ESRRG: variants seen among roughly 807,000 people sequenced by gnomAD.
The protein encoded by ESRRG is estrogen related receptor gamma.
A neutral mutation model predicts 44.0 loss-of-function variants in ESRRG; 13 were observed. That is an observed-to-expected ratio of 0.30 (90% CI 0.19 to 0.47). The LOEUF (loss-of-function observed/expected upper bound fraction) is 0.47. ESRRG is among the 20% of genes least tolerant of loss of function. The probability of loss-of-function intolerance (pLI) is 1.00; values close to 1 mark genes in which losing one functional copy is unlikely to be tolerated. For synonymous variants in ESRRG, 215 were observed against 214.6 expected, an observed-to-expected ratio of 1.00 and a Z score of -0.02; for missense variants, 395 against 580.6, an observed-to-expected ratio of 0.68 and a Z score of 3.29.
At chr1:217,134,256 G>A (rs962946909) in intron 1 of ESRRG, among the ~76,000 whole-genome samples, 1 of 152,126 alleles carries the variant, frequency 6.6e-6, no homozygotes, top group Non-Finnish European at 1.5e-5. Context: ...AAATGGCACC[G>A]ACACAGACTG....
At chr1:216,550,654 G>C (rs765565479) in intron 5 of ESRRG, among the ~76,000 whole-genome samples, 1 of 152,022 alleles carries the variant, frequency 6.6e-6, no homozygotes, top group Non-Finnish European at 1.5e-5. Flanking sequence ...AAAAGTCAAC[G>C]GCAGGAGATG....
chr1:216,907,203 T>A (rs1306850463), intron 2 of ESRRG, among the ~76,000 whole-genome samples: 1 of 152,068 alleles, frequency 6.6e-6, no homozygotes, highest in African/African-American at 2.4e-5. Flanking sequence ...AAATACAGCA[T>A]CTCTGCACCT....
At chr1:216,523,064 G>T (rs1366304082) in intron 5 of ESRRG, among the ~76,000 whole-genome samples, 2 of 152,116 alleles carry the variant, frequency 1.3e-5, no homozygotes, top group African/African-American at 4.8e-5. Flanking sequence ...AATCTTTGGT[G>T]TGTGACAGGT....
At chr1:216,990,098 A>G (rs2075453066) in intron 1 of ESRRG, among the ~76,000 whole-genome samples, 1 of 152,200 alleles carries the variant, frequency 6.6e-6, no homozygotes, top group South Asian at 2.1e-4. Context: ...GAACTCACAA[A>G]GGAATGTCAC....
chr1:216,651,681 G>T (rs904207860), intron 2 of ESRRG, among the ~76,000 whole-genome samples: 5 of 152,040 alleles, frequency 3.3e-5, no homozygotes, highest in Non-Finnish European at 7.4e-5. Flanking sequence ...ACTGATCATG[G>T]TGATGATAAT....
intron 5 of ESRRG, among the ~76,000 whole-genome samples, chr1:216,529,531 A>G (rs2048660891): frequency 6.6e-6 from 1 of 152,184 alleles, no homozygotes. Context: ...GGGCTTCAAA[A>G]AGAGATAGGC....
intron 1 of ESRRG, among the ~76,000 whole-genome samples, chr1:217,086,991 C>CGTT (rs2092119727): frequency 1.3e-5 from 2 of 152,068 alleles, no homozygotes; most frequent in Non-Finnish European, 2.9e-5. Context: ...TCATAAATAA[C>CGTT]CCCCTTTCCA....
At chr1:216,796,994 C>G (rs1005623161) in intron 2 of ESRRG, among the ~76,000 whole-genome samples, 2 of 152,030 alleles carry the variant, frequency 1.3e-5, no homozygotes, top group Non-Finnish European at 2.9e-5. Context: ...CAGGTTCAAG[C>G]GATTCTCCTC....
chr1:217,059,890 G>A (rs574070953), intron 1 of ESRRG, among the ~76,000 whole-genome samples: 2 of 152,048 alleles, frequency 1.3e-5, no homozygotes, highest in African/African-American at 4.8e-5. Context: ...GGATTCAAGG[G>A]CTTGTCATTT....
intron 2 of ESRRG, among the ~76,000 whole-genome samples, chr1:216,756,519 T>C (rs1399897939): frequency 2.0e-5 from 3 of 152,022 alleles, no homozygotes; most frequent in African/African-American, 7.2e-5. Flanking sequence ...ATCAGGTTTT[T>C]TCTCTCTTTG....
At chr1:216,612,849 C>T (rs1001980334) in intron 3 of ESRRG, among the ~76,000 whole-genome samples, 9 of 152,146 alleles carry the variant, frequency 5.9e-5, no homozygotes, top group Admixed American at 2.6e-4. Context: ...GTTTCCTATG[C>T]AAATACTGCT....
At chr1:217,033,326 A>G (rs906444553) in intron 1 of ESRRG, among the ~76,000 whole-genome samples, 1 of 152,148 alleles carries the variant, frequency 6.6e-6, no homozygotes, top group Non-Finnish European at 1.5e-5. Flanking sequence ...TACCTTAACT[A>G]TCACTGATGC....
intron 1 of ESRRG, among the ~76,000 whole-genome samples, chr1:216,706,683 C>T (rs1385222899): frequency 2.0e-5 from 3 of 152,134 alleles, no homozygotes; most frequent in Admixed American, 6.5e-5. Context: ...AAAACTCTCT[C>T]GAGATATTTC....
intron 6 of ESRRG, among the ~76,000 whole-genome samples, chr1:216,508,751 G>A (rs1024403091): frequency 6.6e-6 from 1 of 152,172 alleles, no homozygotes; most frequent in African/African-American, 2.4e-5. Context: ...AACATGATCT[G>A]ATATTCTTTC....
At chr1:217,069,311 A>T (rs1035647987) in intron 1 of ESRRG, among the ~76,000 whole-genome samples, 6 of 152,134 alleles carry the variant, frequency 3.9e-5, no homozygotes. Context: ...CTTGCTCCTC[A>T]GCTTGTAGAT....
At chr1:217,012,542 C>A (rs2078778676) in intron 1 of ESRRG, among the ~76,000 whole-genome samples, 1 of 152,150 alleles carries the variant, frequency 6.6e-6, no homozygotes, top group Non-Finnish European at 1.5e-5. Context: ...GAAAATGACA[C>A]TGACACTGGC....
At chr1:216,779,744 G>A (rs12084883) in intron 2 of ESRRG, among the ~76,000 whole-genome samples, 2,547 of 148,940 alleles carry the variant, frequency 0.017, 87 homozygotes, top group African/African-American at 0.059. Flanking sequence ...AAGTATCTTT[G>A]GGATCACAAA....
At chr1:217,095,937 GA>G (rs1247996003) in intron 1 of ESRRG, among the ~76,000 whole-genome samples, 1 of 152,196 alleles carries the variant, frequency 6.6e-6, no homozygotes, top group Non-Finnish European at 1.5e-5. Context: ...TATGGCTGAA[GA>G]AATTTATTTG....
At chr1:216,603,644 A>G (rs1216515152) in intron 3 of ESRRG, among the ~76,000 whole-genome samples, 3 of 152,152 alleles carry the variant, frequency 2.0e-5, no homozygotes, top group African/African-American at 7.2e-5. Context: ...AGACAGAAAA[A>G]TCAGCCGGGC....
Sources: gnomAD v4.1 joint callset for allele counts (sites outside exome capture counted in the v4.1 genomes callset) on GRCh38, gnomAD v4.1.1 for gene constraint, MANE v1.5 for transcripts, NCBI Gene and HGNC (gene_info 2026-07-23, HGNC 2026-07-21) for gene names.